Variants in PRKCA observed in about 807,000 individuals in gnomAD.
The protein encoded by PRKCA is protein kinase C alpha type.
Under a neutral mutation model 87.0 loss-of-function variants are expected in PRKCA, and 27 were observed. The ratio of observed to expected loss-of-function variants is 0.31; its 90% CI spans 0.23 to 0.43. The LOEUF (loss-of-function observed/expected upper bound fraction) is 0.43. Ranked by LOEUF, PRKCA falls within the 20% of genes least tolerant of loss-of-function variation. The pLI, the probability that PRKCA is intolerant of heterozygous loss-of-function variation, is 1.00. For missense variants in PRKCA, 518 were observed against 852.3 expected, an observed-to-expected ratio of 0.61 and a Z score of 4.88; for synonymous variants, 329 against 311.1, an observed-to-expected ratio of 1.06 and a Z score of -0.61.
At chr17:66,482,950 C>G (rs180997640) in intron 2 of PRKCA, among the ~76,000 whole-genome samples, 1 of 152,068 alleles carries the variant, frequency 6.6e-6, no homozygotes, top group Admixed American at 6.5e-5. Context: ...TATTTCTCCC[C>G]GTGGAAGTAT....
chr17:66,808,730 G>A lies in PRKCA; in HGVS notation c.*4693G>A, dbSNP rs192173573. 1 of 152,330 alleles carries A rather than the reference G, an allele frequency of 6.6e-6. No individual in the cohort carries two copies. Among genetic ancestry groups the A allele is most frequent in the African/African-American group, 2.4e-5 (1 of 41,548 alleles). 9.4% of individuals were successfully genotyped at this position (152,330 alleles called of 1,614,324 possible). A position where few individuals can be genotyped will look rare whatever the true frequency, so the allele number is the denominator to read the frequency against. On this transcript the variant is annotated 3_prime_UTR_variant, in exon 17 of 17. Coordinates refer to ENST00000413366, the MANE Select transcript of PRKCA (RefSeq NM_002737.3). ...TTATTTATTTATTTATTTATTTTGAGATGGAGTTTCACTCTTGTTGCCCAG... is the reference window on the plus strand; with the variant it reads ...TTATTTATTTATTTATTTATTTTGAAATGGAGTTTCACTCTTGTTGCCCAG...
intron 3 of PRKCA, among the ~76,000 whole-genome samples, chr17:66,567,390 A>AC (rs1598776515): frequency 6.6e-6 from 1 of 151,968 alleles, no homozygotes; most frequent in Admixed American, 6.6e-5. Flanking sequence ...ACCGAGACTG[A>AC]CCCCTGCTGG....
At chr17:66,582,979 C>T (rs79517209) in intron 3 of PRKCA, among the ~76,000 whole-genome samples, 3,032 of 152,210 alleles carry the variant, frequency 0.02, 113 homozygotes, top group African/African-American at 0.068. Flanking sequence ...CATCCTGGGA[C>T]GTGTTACTTA....
At chr17:66,794,618 T>G (rs1032352648) in intron 16 of PRKCA, among the ~76,000 whole-genome samples, 66 of 143,446 alleles carry the variant, frequency 4.6e-4, no homozygotes, top group Admixed American at 9.9e-4. Context: ...TTGGGGGGGG[T>G]TTTTTGTTTT....
chr17:66,711,012 C>T (rs1238113735), intron 8 of PRKCA, among the ~76,000 whole-genome samples: 3 of 152,050 alleles, frequency 2.0e-5, no homozygotes, highest in African/African-American at 7.3e-5. Context: ...CATTGCACTC[C>T]AGTCTGGGTG....
At chr17:66,618,227 C>T (rs1361045057) in intron 3 of PRKCA, among the ~76,000 whole-genome samples, 1 of 151,810 alleles carries the variant, frequency 6.6e-6, no homozygotes, top group African/African-American at 2.4e-5. Flanking sequence ...CGGTGGTGGG[C>T]GCCTGTAATT....
chr17:66,461,636 G>T (rs549409948), intron 2 of PRKCA, among the ~76,000 whole-genome samples: 200 of 152,290 alleles, frequency 1.3e-3, no homozygotes, highest in Non-Finnish European at 2.2e-3. Flanking sequence ...TGGTAAAAAT[G>T]ATGTAACATT....
chr17:66,706,485 A>G (rs1286615534), intron 8 of PRKCA, among the ~76,000 whole-genome samples: 3 of 151,470 alleles, frequency 2.0e-5, no homozygotes, highest in Non-Finnish European at 4.4e-5. Flanking sequence ...AATACAAAAA[A>G]AAAAAAAATT....
At chr17:66,360,361 G>A (rs994830870) in intron 2 of PRKCA, among the ~76,000 whole-genome samples, 1 of 152,136 alleles carries the variant, frequency 6.6e-6, no homozygotes, top group African/African-American at 2.4e-5. Context: ...GGCCTGGAGA[G>A]CATCAGTCCT....
chr17:66,547,419 T>C (rs539585001), intron 3 of PRKCA, among the ~76,000 whole-genome samples: 1 of 152,088 alleles, frequency 6.6e-6, no homozygotes, highest in African/African-American at 2.4e-5. Flanking sequence ...AGGAACCTTG[T>C]GAGAGTCATC....
intron 3 of PRKCA, among the ~76,000 whole-genome samples, chr17:66,619,842 A>G (rs955774625): frequency 3.9e-5 from 6 of 152,226 alleles, no homozygotes; most frequent in Non-Finnish European, 8.8e-5. Flanking sequence ...CATGTCCAGA[A>G]GACTATCTGG....
intron 2 of PRKCA, among the ~76,000 whole-genome samples, chr17:66,490,338 C>T (rs1473554551): frequency 6.7e-6 from 1 of 149,924 alleles, no homozygotes; most frequent in Non-Finnish European, 1.5e-5. Context: ...CATCCATTTC[C>T]AGAACTCTTT....
rs563352604 is a variant in PRKCA at position 66,706,765 on chromosome 17, ACATT to A, written c.918+17728_918+17731del. On this transcript the variant is annotated intron_variant, in intron 8 of 16. Transcript: ENST00000413366. ...TAAATAGATTTTTATTAACACAACT[ACATT>A]CATTCATTCGTGTGTTGTCCACAGC... 4.6e-5 allele frequency among the ~76,000 whole-genome samples: 7 copies of A among 152,286 alleles called. No individual in the cohort carries two copies. The South Asian group carries it at 1.0e-3, about 23-fold the overall frequency.
intron 2 of PRKCA, among the ~76,000 whole-genome samples, chr17:66,489,296 TGAAAG>T (rs912899720): frequency 2.1e-5 from 3 of 145,254 alleles, no homozygotes; most frequent in Admixed American, 7.1e-5. Flanking sequence ...GACTTGAGGG[TGAAAG>T]GAAAGGAAAT....
At chr17:66,581,231 AT>A (rs1275405508) in intron 3 of PRKCA, among the ~76,000 whole-genome samples, 1 of 152,162 alleles carries the variant, frequency 6.6e-6, no homozygotes, top group African/African-American at 2.4e-5. Flanking sequence ...GCTAGTAAAT[AT>A]TTTTGGCTTT....
chr17:66,582,732 A>C (rs1156842308), intron 3 of PRKCA, among the ~76,000 whole-genome samples: 1 of 152,120 alleles, frequency 6.6e-6, no homozygotes, highest in African/African-American at 2.4e-5. Flanking sequence ...CCATTCCCCT[A>C]GTGGCCACCA....
chr17:66,652,435 G>T (rs1490100442), intron 5 of PRKCA, among the ~76,000 whole-genome samples: 1 of 152,134 alleles, frequency 6.6e-6, no homozygotes, highest in Non-Finnish European at 1.5e-5. Flanking sequence ...TGACATTTCT[G>T]GGTGGTAATG....
At chr17:66,452,479 G>A (rs985367252) in intron 2 of PRKCA, among the ~76,000 whole-genome samples, 28 of 152,190 alleles carry the variant, frequency 1.8e-4, no homozygotes, top group South Asian at 2.1e-4. Flanking sequence ...AGGATCTGCC[G>A]AAATTTATCT....
chr17:66,737,476 T>C (rs535265280), intron 10 of PRKCA, among the ~76,000 whole-genome samples: 12 of 152,342 alleles, frequency 7.9e-5, no homozygotes, highest in African/African-American at 2.9e-4. Flanking sequence ...CCATAATCAG[T>C]AGCTGTAATT....
Sources: allele counts gnomAD v4.1 joint callset (sites outside exome capture counted in the v4.1 genomes callset), GRCh38; gene constraint gnomAD v4.1.1; transcripts MANE v1.5; gene names NCBI Gene and HGNC (gene_info 2026-07-23, HGNC 2026-07-21).